PSMB3: variants seen among roughly 807,000 people sequenced by gnomAD.
PSMB3 encodes proteasome subunit beta type-3.
PSMB3 carries 5 observed loss-of-function variants against 23.3 expected under a neutral mutation model. The ratio of observed to expected loss-of-function variants is 0.21; its 90% CI spans 0.11 to 0.45. The LOEUF is 0.45. Among genes scored for constraint, PSMB3 ranks in the 20% least tolerant of loss-of-function variants. The probability of loss-of-function intolerance (pLI) is 0.99; values close to 1 mark genes in which losing one functional copy is unlikely to be tolerated. For missense variants in PSMB3, 192 were observed against 277.9 expected (o/e 0.69, Z 2.20); for synonymous variants, 85 against 99.8 (o/e 0.85, Z 0.88).
At chr17:38,759,730 G>T (rs535303662) in intron 3 of PSMB3, among the ~76,000 whole-genome samples, 31 of 151,972 alleles carry the variant, frequency 2.0e-4, no homozygotes, top group African/African-American at 6.3e-4. Flanking sequence ...TGTATATTTA[G>T]TAGAGAGGGG....
chr17:38,754,981 G>A (rs1908091461), intron 2 of PSMB3, among the ~76,000 whole-genome samples: 1 of 150,934 alleles, frequency 6.6e-6, no homozygotes, highest in South Asian at 2.1e-4. Context: ...TTAGCACATA[G>A]CACAGCAGTT....
chr17:38,755,594 G>A (rs1464671186), intron 2 of PSMB3, among the ~76,000 whole-genome samples: 2 of 149,400 alleles, frequency 1.3e-5, no homozygotes, highest in East Asian at 2.0e-4. Flanking sequence ...GCAGTGAGCC[G>A]AGACTGACTG....
chr17:38,761,395 T>C (rs1011574109), intron 4 of PSMB3, among the ~76,000 whole-genome samples: 3 of 148,898 alleles, frequency 2.0e-5, no homozygotes, highest in Non-Finnish European at 4.4e-5. Context: ...AATGAGTATA[T>C]GTGCTGCCGA....
intron 3 of PSMB3, among the ~76,000 whole-genome samples, chr17:38,757,249 T>C (rs2143228431): frequency 6.6e-6 from 1 of 151,642 alleles, no homozygotes; most frequent in Non-Finnish European, 1.5e-5. Context: ...CTGGGCGTGG[T>C]GGCTCATGCC....
At chr17:38,755,003 CTT>C (rs35692048) in intron 2 of PSMB3, among the ~76,000 whole-genome samples, 17 of 144,800 alleles carry the variant, frequency 1.2e-4, no homozygotes, top group Non-Finnish European at 1.7e-4. Flanking sequence ...GTGCTGCCCC[CTT>C]TTTTTTTTTT....
chr17:38,752,925 G>A lies in PSMB3; in HGVS notation c.3+96G>A. Reference sequence around the variant, plus strand: ...GGGACGAAAAGGGCCTAGGGTCGATGGAAGGAAGCGGTTTCAGTTCGAGGG... The same window carrying A: ...GGGACGAAAAGGGCCTAGGGTCGATAGAAGGAAGCGGTTTCAGTTCGAGGG... On this transcript the variant is annotated intron_variant, in intron 1 of 5. Coordinates refer to ENST00000619426, the MANE Select transcript of PSMB3 (RefSeq NM_002795.4). The surrounding 1 kb of genome is among the most constrained non-coding windows in gnomAD (Gnocchi z 5.5). The A allele has an allele frequency of 6.5e-7, 1 of 1,540,604 alleles. No individual in the cohort carries two copies. The highest frequency in any genetic ancestry group is 1.8e-5 in the Admixed American group (1 of 54,868).
intron 4 of PSMB3, among the ~76,000 whole-genome samples, chr17:38,761,208 C>G (rs977588941): frequency 6.6e-6 from 1 of 151,956 alleles, no homozygotes; most frequent in Non-Finnish European, 1.5e-5. Flanking sequence ...TTAAATTAGC[C>G]GGGCATGGTG....
intron 4 of PSMB3, chr17:38,761,932 CAG>C (rs1483167069): frequency 1.3e-5 from 2 of 154,330 alleles, no homozygotes; most frequent in Non-Finnish European, 2.9e-5. Context: ...GATGTAGAGA[CAG>C]AGGATGGCTG....
chr17:38,758,028 A>G (rs1908281473), intron 3 of PSMB3, among the ~76,000 whole-genome samples: 2 of 152,200 alleles, frequency 1.3e-5, no homozygotes, highest in African/African-American at 4.8e-5. Context: ...AACACAGCTC[A>G]GGGCCTGTGT....
At position 38,764,118 on chromosome 17, in the gene PSMB3, G is replaced by C; in HGVS notation, c.570-1G>C. 6.2e-7 allele frequency: 1 copy of C among 1,614,198 alleles called. No homozygotes were observed. Reference sequence around the variant, plus strand: ...TTTCTTGTGATTTTCTCCCTCTGCAGCGAGAAGGACAAAATCACCACCAGG... The same window carrying C: ...TTTCTTGTGATTTTCTCCCTCTGCACCGAGAAGGACAAAATCACCACCAGG... On this transcript the variant is annotated splice_acceptor_variant, in intron 5 of 5. Transcript: ENST00000619426. LOFTEE classifies it high-confidence loss of function.
intron 5 of PSMB3, 86 bp from the exon 6 acceptor site, chr17:38,764,033 G>A (rs1287968090): frequency 6.5e-7 from 1 of 1,530,636 alleles, no homozygotes; most frequent in Admixed American, 1.7e-5. Flanking sequence ...AGGGCTTGAG[G>A]GCTTGGTGCT....
At chr17:38,754,840 G>A (rs1188335709) in intron 2 of PSMB3, among the ~76,000 whole-genome samples, 1 of 152,184 alleles carries the variant, frequency 6.6e-6, no homozygotes, top group East Asian at 1.9e-4. Flanking sequence ...CCTCCAGCAG[G>A]TGTGGCATTG....
chr17:38,758,848 C>T (rs747573934), intron 3 of PSMB3, among the ~76,000 whole-genome samples: 1 of 152,110 alleles, frequency 6.6e-6, no homozygotes, highest in Non-Finnish European at 1.5e-5. Flanking sequence ...AGATTGAGAC[C>T]ATCCTGGCTA....
chr17:38,755,711 T>TGCGC (rs1270163397), intron 2 of PSMB3, among the ~76,000 whole-genome samples, 172 bp from the exon 3 acceptor site: 332 of 139,076 alleles, frequency 2.4e-3, no homozygotes, highest in African/African-American at 9.6e-3. Context: ...TGTGTGTGTG[T>TGCGC]GTGTGCTGCC....
At chr17:38,753,459 T>C (rs1908026398) in intron 2 of PSMB3, 125 bp downstream of exon 2, 5 of 951,188 alleles carry the variant, frequency 5.3e-6, no homozygotes. Context: ...CTTTGCCGCC[T>C]CCAAAAAACA....
chr17:38,754,618 C>T (rs967754765), intron 2 of PSMB3, among the ~76,000 whole-genome samples: 2 of 152,216 alleles, frequency 1.3e-5, no homozygotes, highest in African/African-American at 4.8e-5. Flanking sequence ...TCCTGGGGTT[C>T]CTGTCAGTGA....
chr17:38,760,415 A>C lies in PSMB3; in HGVS notation c.297-16A>C. ...TCTTGAGTTCTGGTTTCTCTCTCTG[A>C]TGCTGGCCCCCACAGGTTTGGCCCT... On this transcript the variant is annotated splice_polypyrimidine_tract_variant and intron_variant, in intron 3 of 5. Coordinates refer to ENST00000619426, the MANE Select transcript of PSMB3 (RefSeq NM_002795.4). 1 of 1,612,382 alleles carries C rather than the reference A, an allele frequency of 6.2e-7. No individual in the cohort carries two copies. The highest frequency in any genetic ancestry group is 8.5e-7 in the Non-Finnish European group (1 of 1,179,178).
intron 3 of PSMB3, 181 bp from the exon 4 acceptor site, chr17:38,760,250 A>G: frequency 1.7e-6 from 1 of 605,900 alleles, no homozygotes. Context: ...AAGTCTTAGA[A>G]TATTTCTAGC....
At chr17:38,762,240 T>G (rs1908473688) in intron 4 of PSMB3, 171 bp from the exon 5 acceptor site, 6 of 604,424 alleles carry the variant, frequency 9.9e-6, no homozygotes, top group South Asian at 8.4e-5. Context: ...TTCTGCTTCC[T>G]TCCAAGGAAG....
Sources: gnomAD v4.1 joint callset for allele counts (sites outside exome capture counted in the v4.1 genomes callset) on GRCh38, gnomAD v4.1.1 for gene constraint, Gnocchi (gnomAD v3.1) non-coding constraint, MANE v1.5 for transcripts, NCBI Gene and HGNC (gene_info 2026-07-23, HGNC 2026-07-21) for gene names.